The following GUCD1 variants were observed in gnomAD, a reference collection of about 807,000 sequenced individuals.
GUCD1 encodes the protein protein GUCD1.
GUCD1 carries 17 observed loss-of-function variants against 28.3 expected under a neutral mutation model. The observed-to-expected ratio is 0.60, with a 90% CI of 0.41 to 0.90. The LOEUF (loss-of-function observed/expected upper bound fraction) is 0.90, where lower values mean the gene tolerates loss of function less well. GUCD1 is among the 40% of genes least tolerant of loss of function. The pLI, the probability that GUCD1 is intolerant of heterozygous loss-of-function variation, is 0.00. For synonymous variants in GUCD1, 129 were observed against 123.3 expected (o/e 1.05, Z -0.30); for missense variants, 279 against 305.5 (o/e 0.91, Z 0.65).
chr22:24,544,224 T>G, intron 4 of GUCD1, 141 bp from the exon 5 acceptor site: 1 of 1,211,240 alleles, frequency 8.3e-7, no homozygotes, highest in Non-Finnish European at 1.1e-6. Flanking sequence ...CCCTGCTCTG[T>G]CACTGTGGCC....
At chr22:24,547,322 G>A (rs766114133) in intron 3 of GUCD1, 36 of 332,678 alleles carry the variant, frequency 1.1e-4, no homozygotes, top group African/African-American at 3.6e-4. Context: ...GCAGGAGCCC[G>A]TAGCGAATAA....
At chr22:24,547,878 C>T (rs1417120704) in intron 3 of GUCD1, 30 bp downstream of exon 3, 9 of 1,612,052 alleles carry the variant, frequency 5.6e-6, no homozygotes, top group Middle Eastern at 1.7e-4. Flanking sequence ...TGTGGCCCCA[C>T]ATGGGAAGGC....
upstream of GUCD1, chr22:24,555,620 G>A: frequency 6.4e-7 from 1 of 1,550,654 alleles, no homozygotes; most frequent in Non-Finnish European, 8.7e-7. Flanking sequence ...CTTACCTGGC[G>A]GTGCCGGGAT....
At chr22:24,547,066 TGAAG>T in intron 3 of GUCD1, 61 bp from the exon 4 acceptor site, 1 of 1,297,254 alleles carries the variant, frequency 7.7e-7, no homozygotes, top group East Asian at 2.3e-5. Context: ...TCCATTTAGA[TGAAG>T]GAAATAAAGA....
chr22:24,550,195 CT>C (rs2044835791), intron 1 of GUCD1, among the ~76,000 whole-genome samples: 1 of 152,198 alleles, frequency 6.6e-6, no homozygotes, highest in African/African-American at 2.4e-5. Context: ...AACAGGGGGA[CT>C]TTGGTCTGAT....
At chr22:24,544,147 C>G in intron 4 of GUCD1, 64 bp from the exon 5 acceptor site, 3 of 1,567,228 alleles carry the variant, frequency 1.9e-6, no homozygotes, top group Non-Finnish European at 2.6e-6. Context: ...TCAAATGGAT[C>G]CCTGCTTGTG....
chr22:24,552,864 ACCAGAGCTCACTGCAGCCCTGAACTC>A (rs2044920110), intron 1 of GUCD1, among the ~76,000 whole-genome samples: 2 of 152,192 alleles, frequency 1.3e-5, no homozygotes, highest in South Asian at 4.1e-4. Context: ...CAGTGGTGTG[ACCAGAGCTCACTGCAGCCCTGAACTC>A]CCAGGCTCAA....
upstream of GUCD1, chr22:24,555,541 A>G (rs1182731991): frequency 6.7e-7 from 1 of 1,489,402 alleles, no homozygotes; most frequent in African/African-American, 1.4e-5. Context: ...GATAACCCTG[A>G]GCGGGCAGCC....
intron 3 of GUCD1, among the ~76,000 whole-genome samples, chr22:24,547,562 G>A (rs544494495): frequency 2.0e-5 from 3 of 152,338 alleles, no homozygotes; most frequent in East Asian, 3.9e-4. Flanking sequence ...GGCCGGATGA[G>A]GTCAGTGATG....
At chr22:24,547,577 C>CA (rs2147083378) in intron 3 of GUCD1, 1 of 283,668 alleles carries the variant, frequency 3.5e-6, no homozygotes, top group South Asian at 7.3e-5. Flanking sequence ...GTGATGTTCT[C>CA]AGAGGCCCTG....
intron 1 of GUCD1, among the ~76,000 whole-genome samples, chr22:24,552,743 C>G (rs760690521): frequency 1.3e-5 from 2 of 150,888 alleles, no homozygotes; most frequent in Non-Finnish European, 3.0e-5. Flanking sequence ...GCACTACAGC[C>G]TGGGCGACAG....
intron 4 of GUCD1, among the ~76,000 whole-genome samples, chr22:24,545,872 T>TGAGC (rs1427472229): frequency 2.6e-4 from 40 of 151,850 alleles, no homozygotes; most frequent in Middle Eastern, 3.4e-3. Context: ...ATTACAAGCG[T>TGAGC]GAGCCACCGT....
chr22:24,541,029 G>A lies in GUCD1; in HGVS notation c.*1977C>T. ...TTTTACCAGAACACCACCTGAAGAT[G>A]CCCACACCCCACAGCTGCTGTGCAT... is the stretch of plus-strand genomic sequence containing the variant. On this transcript the variant is annotated 3_prime_UTR_variant, in exon 6 of 6. Coordinates refer to ENST00000435822, the MANE Select transcript of GUCD1 (RefSeq NM_001284254.2). 1 of 169,938 alleles carries A rather than the reference G, an allele frequency of 5.9e-6. No homozygotes were observed. Among genetic ancestry groups the A allele is most frequent in the Non-Finnish European group, 1.5e-5 (1 of 68,528 alleles). 10.5% of individuals were successfully genotyped at this position (169,938 alleles called of 1,614,324 possible).
In GUCD1 at chr22:24,550,941, C is replaced by T. The variant is rs570295708; in HGVS notation, c.44-1940G>A. Among the ~76,000 whole-genome samples, 5 of 152,306 alleles carry T rather than the reference C, an allele frequency of 3.3e-5. No individual in the cohort carries two copies. In the South Asian group the frequency reaches 6.2e-4, roughly 19 times the overall value. On this transcript the variant is annotated intron_variant, in intron 1 of 5. Transcript: ENST00000435822. The stretch of plus-strand genomic sequence containing the variant: ...TCTGTGCCCTCCTGTGTTGCTTATA[C>T]GTTCCCAAGAGGCAGGGACCTATCA...
At chr22:24,550,187 CAG>C (rs962950118) in intron 1 of GUCD1, among the ~76,000 whole-genome samples, 1 of 152,238 alleles carries the variant, frequency 6.6e-6, no homozygotes, top group African/African-American at 2.4e-5. Flanking sequence ...CATCCCTAAA[CAG>C]GGGGACTTTG....
Position 24,544,093 on chromosome 22 carries a change from G to A in GUCD1, c.387-10C>T. On this transcript the variant is annotated splice_polypyrimidine_tract_variant and intron_variant, in intron 4 of 5. Coordinates refer to ENST00000435822, the MANE Select transcript of GUCD1 (RefSeq NM_001284254.2). The stretch of plus-strand genomic sequence containing the variant: ...CTTCACACTCACTGTGCTGTGGGCG[G>A]GAGGGGGGTCAGCTGGTGCTGCTGG... The A allele has an allele frequency of 6.2e-7, 1 of 1,605,340 alleles. No homozygotes were observed. Among genetic ancestry groups the A allele is most frequent in the African/African-American group, 1.3e-5 (1 of 74,860 alleles).
intron 1 of GUCD1, among the ~76,000 whole-genome samples, chr22:24,549,254 C>T (rs1038346073): frequency 2.6e-5 from 4 of 152,226 alleles, no homozygotes; most frequent in Non-Finnish European, 4.4e-5. Context: ...TAAGACAATA[C>T]CTCCATGGCT....
At position 24,548,993 on chromosome 22, in the gene GUCD1, C is replaced by G. The variant is rs1380346271; in HGVS notation, c.52G>C (p.Val18Leu). ...TGGATGACGGGCACAGGCAGTTGCA[C>G]AAAGTCCCCTGTGCAGAAACAGAGG... is the stretch of plus-strand genomic sequence containing the variant. ...AGPPLEPGDFVQLPVPVIQQL... is the reference protein window; with the variant it reads ...AGPPLEPGDFLQLPVPVIQQL... The change falls in exon 2 of 6, where the codon GTG (valine) becomes CTG (leucine). Residue 18 changes from valine to leucine, a missense_variant. Val to Leu is a conservative substitution (Grantham distance 32). Coordinates refer to ENST00000435822, the MANE Select transcript of GUCD1 (RefSeq NM_001284254.2). The G allele has an allele frequency of 5.1e-6, 8 of 1,575,856 alleles. No homozygotes were observed. Among genetic ancestry groups the G allele is most frequent in the Non-Finnish European group, 6.9e-6 (8 of 1,160,090 alleles).
chr22:24,555,536 C>T (rs1468225496), upstream of GUCD1: 12 of 1,468,074 alleles, frequency 8.2e-6, no homozygotes, highest in South Asian at 2.5e-5. Context: ...TTAGGGATAA[C>T]CCTGAGCGGG....
Sources: allele counts gnomAD v4.1 joint callset (sites outside exome capture counted in the v4.1 genomes callset), GRCh38; gene constraint gnomAD v4.1.1; transcripts MANE v1.5; gene names NCBI Gene and HGNC (gene_info 2026-07-23, HGNC 2026-07-21).